The following HMCN1 variants were observed in gnomAD, a reference collection of about 807,000 sequenced individuals.
HMCN1 encodes hemicentin 1, also known as hemicentin-1.
In HMCN1, 321 loss-of-function variants were observed where a neutral mutation model predicts 625.9. The ratio of observed to expected loss-of-function variants is 0.51; its 90% confidence interval spans 0.47 to 0.56. The LOEUF (loss-of-function observed/expected upper bound fraction) is 0.56, where lower values mean the gene tolerates loss of function less well. Among genes scored for constraint, HMCN1 ranks in the 20% least tolerant of loss-of-function variants. HMCN1 has a pLI of 0.00. For synonymous variants in HMCN1, 2,425 were observed against 2,417.6 expected, an observed-to-expected ratio of 1.00 and a Z score of -0.09; for missense variants, 6,588 against 6,887.3, an observed-to-expected ratio of 0.96 and a Z score of 1.54.
At chr1:186,053,367 C>T (rs952038228) in intron 43 of HMCN1, among the ~76,000 whole-genome samples, 2 of 151,828 alleles carry the variant, frequency 1.3e-5, no homozygotes, top group Non-Finnish European at 2.9e-5. Context: ...ATCGAGAATC[C>T]GTCATTCAGA....
chr1:186,016,312 G>A, intron 32 of HMCN1, 73 bp downstream of exon 32: 2 of 1,397,064 alleles, frequency 1.4e-6, no homozygotes, highest in East Asian at 2.3e-5. Flanking sequence ...ATACTTTTTT[G>A]TTCATGCAAT....
chr1:185,804,891 T>C (rs549917685), intron 1 of HMCN1, among the ~76,000 whole-genome samples: 60 of 152,206 alleles, frequency 3.9e-4, no homozygotes, highest in African/African-American at 1.4e-3. Flanking sequence ...TGTTAGAAAG[T>C]AATGTGCTTT....
intron 4 of HMCN1, among the ~76,000 whole-genome samples, chr1:185,906,726 C>T (rs16824725): frequency 0.063 from 9,626 of 151,712 alleles, 1,068 homozygotes; most frequent in African/African-American, 0.22. Context: ...AAACATCTCA[C>T]AATTCTTGCT....
intron 63 of HMCN1, among the ~76,000 whole-genome samples, chr1:186,089,364 A>G (rs920710963): frequency 3.3e-5 from 5 of 152,052 alleles, no homozygotes; most frequent in African/African-American, 1.2e-4. Flanking sequence ...CTAAGTTGAA[A>G]TACTTTTTCT....
chr1:186,039,097 A>G, intron 38 of HMCN1, 92 bp downstream of exon 38: 1 of 881,292 alleles, frequency 1.1e-6, no homozygotes, highest in Non-Finnish European at 1.9e-6. Flanking sequence ...AGTATTTAAC[A>G]GAATGTGTTA....
Position 185,940,939 on chromosome 1 carries a change from T to G in HMCN1, c.1828+7115T>G, listed in dbSNP as rs528257670. On this transcript the variant is annotated intron_variant, in intron 11 of 106. Coordinates refer to ENST00000271588, the MANE Select transcript of HMCN1 (RefSeq NM_031935.3). ...CCACCACGTCAGCTAATTTTGTATTTTTAGTAGAGACGGGGTTTCTCCATG... is the reference window on the plus strand; with the variant it reads ...CCACCACGTCAGCTAATTTTGTATTGTTAGTAGAGACGGGGTTTCTCCATG... Among the ~76,000 whole-genome samples, 14 of 152,308 alleles carry G rather than the reference T, an allele frequency of 9.2e-5. No individual in the cohort carries two copies. In the East Asian group the frequency reaches 2.5e-3, roughly 27 times the overall value.
chr1:185,990,275 T>A lies in HMCN1; in HGVS notation c.3209T>A (p.Val1070Glu), dbSNP rs752926936. 1 of 1,613,744 alleles carries A rather than the reference T, an allele frequency of 6.2e-7. No homozygotes were observed. Among genetic ancestry groups the A allele is most frequent in the East Asian group, 2.2e-5 (1 of 44,872 alleles). ...CTTCCAAAACATGTGTTTATTTTAG[T>A]AAGGCCCAGAGTGTTTGGAGATCAA... ...AKRKVQLTVY[V>E]RPRVFGDQRG... is the part of the protein sequence containing the mutation. Residue 1070 changes from valine (V) to glutamate (E), a missense_variant and splice_region_variant, in exon 22 of 107, where the codon GTA becomes GAA. Physicochemically the swap from Val to Glu is moderately radical, Grantham distance 121. Around this residue, in one of 3 missense-constraint regions of HMCN1, gnomAD observed 4,628 missense variants for 4,853.1 expected, o/e 0.95. Coordinates refer to ENST00000271588, the MANE Select transcript of HMCN1 (RefSeq NM_031935.3).
chr1:186,082,667 C>A (rs1659236503), intron 56 of HMCN1, among the ~76,000 whole-genome samples, 198 bp from the exon 57 acceptor site: 1 of 151,948 alleles, frequency 6.6e-6, no homozygotes, highest in African/African-American at 2.4e-5. Flanking sequence ...TATAGAATTA[C>A]CTCTCCTGAT....
At chr1:185,953,483 C>T (rs930294807) in intron 11 of HMCN1, among the ~76,000 whole-genome samples, 9 of 151,494 alleles carry the variant, frequency 5.9e-5, no homozygotes, top group Non-Finnish European at 2.9e-5. Flanking sequence ...TTTGTCTCTA[C>T]CAGAAAATAC....
At chr1:185,866,616 C>T (rs1271978823) in intron 4 of HMCN1, among the ~76,000 whole-genome samples, 3 of 151,688 alleles carry the variant, frequency 2.0e-5, no homozygotes, top group South Asian at 4.2e-4. Flanking sequence ...CCATGTTAGC[C>T]GGGATGATCT....
At chr1:186,108,701 CT>C in intron 71 of HMCN1, 104 bp downstream of exon 71, 2 of 1,280,376 alleles carry the variant, frequency 1.6e-6, no homozygotes, top group Non-Finnish European at 2.2e-6. Context: ...TAACATCAGG[CT>C]ACTAATTATT....
chr1:185,908,347 T>C (rs575210662), intron 4 of HMCN1, among the ~76,000 whole-genome samples: 1 of 152,038 alleles, frequency 6.6e-6, no homozygotes, highest in East Asian at 1.9e-4. Context: ...TTGTTTATCA[T>C]TAATAGCTTG....
intron 4 of HMCN1, among the ~76,000 whole-genome samples, chr1:185,884,134 C>T (rs1056615715): frequency 6.6e-6 from 1 of 151,524 alleles, no homozygotes; most frequent in Non-Finnish European, 1.5e-5. Context: ...AGATGTGGCC[C>T]TTTTGTGGCC....
chr1:185,738,674 C>G (rs756406632), intron 1 of HMCN1, among the ~76,000 whole-genome samples: 13 of 152,174 alleles, frequency 8.5e-5, no homozygotes, highest in Non-Finnish European at 1.6e-4. Context: ...ATATTCCCAC[C>G]AGCGCTGTGT....
intron 56 of HMCN1, 85 bp from the exon 57 acceptor site, chr1:186,082,780 T>C (rs192429861): frequency 1.4e-5 from 9 of 630,630 alleles, no homozygotes; most frequent in Admixed American, 1.3e-4. Flanking sequence ...AGAAATAATA[T>C]ATATTATTTA....
At chr1:185,919,463 G>C (rs1666893456) in intron 6 of HMCN1, among the ~76,000 whole-genome samples, 1 of 152,142 alleles carries the variant, frequency 6.6e-6, no homozygotes, top group East Asian at 1.9e-4. Flanking sequence ...GAATTTGGTA[G>C]ATTTACTCGT....
At chr1:185,780,533 A>G (rs1281691007) in intron 1 of HMCN1, among the ~76,000 whole-genome samples, 1 of 152,166 alleles carries the variant, frequency 6.6e-6, no homozygotes, top group Non-Finnish European at 1.5e-5. Context: ...TCAATACCTA[A>G]TTTATTGAGA....
At chr1:186,053,175 G>T (rs1657082431) in intron 43 of HMCN1, 101 bp downstream of exon 43, 2 of 1,125,828 alleles carry the variant, frequency 1.8e-6, no homozygotes, top group Non-Finnish European at 2.6e-6. Context: ...TTTTCCTGGG[G>T]TTTGCATACT....
chr1:185,910,572 CTTTTTTT>C (rs530690323), intron 5 of HMCN1, among the ~76,000 whole-genome samples: 1 of 140,308 alleles, frequency 7.1e-6, no homozygotes, highest in East Asian at 2.0e-4. Context: ...TTTCTTCCTT[CTTTTTTT>C]TTTTTTTTTG....
Sources: gnomAD v4.1 joint callset for allele counts (sites outside exome capture counted in the v4.1 genomes callset) on GRCh38, gnomAD v4.1.1 for gene constraint, gnomAD v4.1.1 regional missense constraint, MANE v1.5 for transcripts, NCBI Gene and HGNC (gene_info 2026-07-23, HGNC 2026-07-21) for gene names.